Variants in LMOD1 observed in about 807,000 individuals in gnomAD.
LMOD1 encodes leiomodin-1.
Under a neutral mutation model 36.5 loss-of-function variants are expected in LMOD1, and 8 were observed. That is an observed-to-expected ratio of 0.22 (90% confidence interval 0.13 to 0.40). The LOEUF (loss-of-function observed/expected upper bound fraction) is 0.40, where lower values mean the gene tolerates loss of function less well. LMOD1 is among the 10% of genes least tolerant of loss of function. The probability of loss-of-function intolerance (pLI) is 1.00; values close to 1 mark genes in which losing one functional copy is unlikely to be tolerated. For missense variants in LMOD1, 630 were observed against 751.1 expected (o/e 0.84, Z 1.88); for synonymous variants, 284 against 288.7 (o/e 0.98, Z 0.17).
intron 1 of LMOD1, among the ~76,000 whole-genome samples, chr1:201,912,358 C>T (rs1466201256): frequency 6.6e-6 from 1 of 151,982 alleles, no homozygotes. Context: ...GGGAAGTGAC[C>T]CCTGACCCCC....
At chr1:201,931,899 T>TA (rs1681929415) in intron 1 of LMOD1, among the ~76,000 whole-genome samples, 1 of 149,350 alleles carries the variant, frequency 6.7e-6, no homozygotes, top group South Asian at 2.2e-4. Flanking sequence ...AGACCCTGTA[T>TA]CAAAAAAAAA....
chr1:201,944,599 T>C (rs11583023), intron 1 of LMOD1, among the ~76,000 whole-genome samples: 13,706 of 152,218 alleles, frequency 0.09, 746 homozygotes, highest in East Asian at 0.26. Context: ...TGGTTTTATT[T>C]ATCATTATCA....
chr1:201,928,398 A>G (rs752310517), intron 1 of LMOD1, among the ~76,000 whole-genome samples: 17 of 152,246 alleles, frequency 1.1e-4, no homozygotes, highest in Non-Finnish European at 2.1e-4. Context: ...GGCGTCAGAA[A>G]GGCAAGTCTG....
chr1:201,904,519 CCTT>C (rs1264993027), intron 1 of LMOD1, among the ~76,000 whole-genome samples: 5 of 152,270 alleles, frequency 3.3e-5, no homozygotes, highest in Middle Eastern at 6.8e-3. Context: ...CTCAATTTAA[CCTT>C]CTTTCTTCCC....
At chr1:201,934,081 C>T (rs1362601015) in intron 1 of LMOD1, among the ~76,000 whole-genome samples, 2 of 152,148 alleles carry the variant, frequency 1.3e-5, no homozygotes, top group Non-Finnish European at 1.5e-5. Context: ...GATCGATGCA[C>T]TGGAGGTGAA....
chr1:201,945,781 G>A (rs1682201657), intron 1 of LMOD1, among the ~76,000 whole-genome samples: 1 of 152,248 alleles, frequency 6.6e-6, no homozygotes, highest in Admixed American at 6.5e-5. Context: ...GGACCAGGAT[G>A]GAGTCAACTT....
intron 1 of LMOD1, among the ~76,000 whole-genome samples, chr1:201,936,096 C>CAAAA (rs61077548): frequency 2.7e-5 from 2 of 73,092 alleles, no homozygotes; most frequent in African/African-American, 5.2e-5. Flanking sequence ...GACCTTGTCT[C>CAAAA]AAAAAAAAAA....
chr1:201,929,260 G>A (rs774655432), intron 1 of LMOD1, among the ~76,000 whole-genome samples: 3 of 151,770 alleles, frequency 2.0e-5, no homozygotes, highest in Non-Finnish European at 4.4e-5. Flanking sequence ...CCACCACCAC[G>A]CCCAGCTAAT....
intron 1 of LMOD1, among the ~76,000 whole-genome samples, chr1:201,909,719 G>C (rs972212268): frequency 5.9e-5 from 9 of 152,206 alleles, no homozygotes; most frequent in African/African-American, 2.2e-4. Flanking sequence ...CGTGGTGAGT[G>C]CTGGCTGCCA....
chr1:201,910,749 T>TA, intron 1 of LMOD1, among the ~76,000 whole-genome samples: 1 of 107,524 alleles, frequency 9.3e-6, no homozygotes, highest in South Asian at 3.4e-4. Flanking sequence ...TCATTCTTTT[T>TA]TTTTTTTTTT....
chr1:201,906,988 G>A (rs1051239391), intron 1 of LMOD1, among the ~76,000 whole-genome samples: 4 of 152,226 alleles, frequency 2.6e-5, no homozygotes, highest in African/African-American at 7.2e-5. Context: ...GTTTCCCTTG[G>A]TGGAATGTGG....
Position 201,898,271 on chromosome 1 carries a change from C to G in LMOD1, c.*101G>C. On this transcript the variant is annotated 3_prime_UTR_variant, in exon 3 of 3. Coordinates refer to ENST00000367288, the MANE Select transcript of LMOD1 (RefSeq NM_012134.3). Reference sequence around the variant, plus strand: ...TCCCATGGCAGAATAGGGACATCCACAGCAGGTCAGCCAGGGATGGGGTGG... The same window carrying G: ...TCCCATGGCAGAATAGGGACATCCAGAGCAGGTCAGCCAGGGATGGGGTGG... The G allele has an allele frequency of 8.2e-7, 1 of 1,212,246 alleles. No individual in the cohort carries two copies. Among genetic ancestry groups the G allele is most frequent in the Non-Finnish European group, 1.2e-6 (1 of 833,920 alleles). The allele number at this position is 1,212,246 out of a possible 1,614,324, so 75.1% of individuals were successfully genotyped here.
rs751031484 is a variant in LMOD1, at chr1:201,899,413, G to A, written c.1600C>T (p.Pro534Ser). The A allele has an allele frequency of 8.9e-5, 143 of 1,613,116 alleles. 1 individual carries two copies. The South Asian group carries it at 1.5e-3, about 17-fold the overall frequency. The change falls in exon 2 of 3, where the codon CCA becomes TCA. Residue 534 changes from proline (P) to serine (S), a missense_variant. Pro to Ser is a moderately conservative substitution (Grantham distance 74). Around this residue, in one of 3 missense-constraint regions of LMOD1, gnomAD observed 144 missense variants for 169.8 expected, o/e 0.85. Transcript: ENST00000367288. The surrounding 1 kb of genome is among the most constrained non-coding windows in gnomAD (Gnocchi z 6.3). ...SPKKGGAPAA[P>S]PPPPPPLAPP... ...GCCAAGGGAGGGGGAGGGGGTGGTG[G>A]GGCAGCTGGAGCACCCCCTTTTTTG...
chr1:201,919,227 T>C (rs1391616064), intron 1 of LMOD1, among the ~76,000 whole-genome samples: 2 of 151,106 alleles, frequency 1.3e-5, no homozygotes, highest in Admixed American at 6.6e-5. Flanking sequence ...TTTTTTTTTT[T>C]TGGGGGGTCA....
chr1:201,939,822 T>G (rs1682083954), intron 1 of LMOD1, among the ~76,000 whole-genome samples: 1 of 152,058 alleles, frequency 6.6e-6, no homozygotes, highest in South Asian at 2.1e-4. Flanking sequence ...TCTCTTGGTG[T>G]GCTTCATTCA....
At position 201,900,230 on chromosome 1, in the gene LMOD1, G is replaced by T; in HGVS notation, c.783C>A (p.Asn261Lys). 1 of 1,613,802 alleles carries T rather than the reference G, an allele frequency of 6.2e-7. No homozygotes were observed. The highest frequency in any genetic ancestry group is 1.1e-5 in the South Asian group (1 of 91,064). Residue 261 changes from asparagine to lysine, a missense_variant, in exon 2 of 3, where the codon AAC becomes AAA. Around this residue, in one of 3 missense-constraint regions of LMOD1, gnomAD observed 405 missense variants for 400.6 expected, o/e 1.01. Coordinates refer to ENST00000367288, the MANE Select transcript of LMOD1 (RefSeq NM_012134.3). ...TTTCATCGTCCTTTTTGGTGTCTGT[G>T]TTCCCAGTTCCTCTTTTTACCTTCT... Reference protein sequence around the residue: ...EDEKVKRGTGNTDTKKDDEKV... With the variant: ...EDEKVKRGTGKTDTKKDDEKV...
At chr1:201,918,228 C>G (rs1185110635) in intron 1 of LMOD1, among the ~76,000 whole-genome samples, 1 of 152,186 alleles carries the variant, frequency 6.6e-6, no homozygotes, top group Non-Finnish European at 1.5e-5. Flanking sequence ...ACCACGTTCC[C>G]TTCATCCCAC....
intron 1 of LMOD1, among the ~76,000 whole-genome samples, chr1:201,901,274 G>A (rs1396087521): frequency 6.6e-6 from 1 of 151,810 alleles, no homozygotes; most frequent in East Asian, 1.9e-4. Flanking sequence ...GGAGGCTGAG[G>A]CAGGTGGATC....
chr1:201,944,779 T>C (rs944334940), intron 1 of LMOD1, among the ~76,000 whole-genome samples: 1 of 152,002 alleles, frequency 6.6e-6, no homozygotes, highest in African/African-American at 2.4e-5. Context: ...TCCTCTTTGC[T>C]TCACCCCCTT....
Sources: allele counts gnomAD v4.1 joint callset (sites outside exome capture counted in the v4.1 genomes callset), GRCh38; gene constraint gnomAD v4.1.1; regional missense constraint gnomAD v4.1.1; non-coding constraint Gnocchi (gnomAD v3.1); transcripts MANE v1.5; gene names NCBI Gene and HGNC (gene_info 2026-07-23, HGNC 2026-07-21).